ABRAXAS1: variants seen among roughly 807,000 people sequenced by gnomAD.
ABRAXAS1 encodes the protein BRCA1-A complex subunit Abraxas 1.
ABRAXAS1 carries 26 observed loss-of-function variants against 38.4 expected under a neutral mutation model. The ratio of observed to expected loss-of-function variants is 0.68; its 90% CI spans 0.50 to 0.94. The LOEUF (loss-of-function observed/expected upper bound fraction) is 0.94. Ranked by LOEUF, ABRAXAS1 falls within the 40% of genes least tolerant of loss-of-function variation. The pLI is 0.00. For missense variants in ABRAXAS1, 438 were observed against 481.9 expected (o/e 0.91, Z 0.85); for synonymous variants, 144 against 165.5 (o/e 0.87, Z 1.00).
chr4:83,462,401 A>T lies in ABRAXAS1; in HGVS notation c.*68T>A. ...TTACTGCAAGTAGCTCAACATAGTA[A>T]AAACAATAGAAATGTTTGGCTTTAC... On this transcript the variant is annotated 3_prime_UTR_variant, in exon 9 of 9. Coordinates refer to ENST00000321945, the MANE Select transcript of ABRAXAS1 (RefSeq NM_139076.3). 5.7e-6 allele frequency: 8 copies of T among 1,395,316 alleles called. No individual in the cohort carries two copies. Among genetic ancestry groups the T allele is most frequent in the Non-Finnish European group, 7.8e-6 (8 of 1,021,622 alleles). 86.4% of individuals were successfully genotyped at this position (1,395,316 alleles called of 1,614,324 possible).
chr4:83,480,231 G>A (rs1722942080), intron 2 of ABRAXAS1: 3 of 246,138 alleles, frequency 1.2e-5, no homozygotes, highest in Admixed American at 5.6e-5. Flanking sequence ...AATTAGCCGG[G>A]CATGGTTGCG....
chr4:83,463,106 A>G (rs557596630), intron 8 of ABRAXAS1, among the ~76,000 whole-genome samples: 76 of 152,316 alleles, frequency 5.0e-4, no homozygotes, highest in African/African-American at 1.5e-3. Flanking sequence ...CATGTCAGCA[A>G]TATAGCTACC....
chr4:83,473,250 AGG>A (rs1722646504), intron 3 of ABRAXAS1, among the ~76,000 whole-genome samples: 2 of 152,186 alleles, frequency 1.3e-5, no homozygotes, highest in African/African-American at 2.4e-5. Context: ...ACTGCACTCC[AGG>A]CTGGGCAACA....
chr4:83,469,260 C>G, intron 5 of ABRAXAS1, 109 bp from the exon 6 acceptor site: 1 of 920,290 alleles, frequency 1.1e-6, no homozygotes, highest in South Asian at 1.6e-5. Flanking sequence ...AATACACCCC[C>G]CAAAACCCAT....
intron 1 of ABRAXAS1, chr4:83,484,680 A>G: frequency 3.5e-6 from 1 of 284,518 alleles, no homozygotes; most frequent in Non-Finnish European, 6.6e-6. Flanking sequence ...TGAACTTTCC[A>G]TCTTTTCACG....
At chr4:83,476,619 T>A (rs1465533917) in intron 3 of ABRAXAS1, 24 bp downstream of exon 3, 1 of 1,491,586 alleles carries the variant, frequency 6.7e-7, no homozygotes, top group African/African-American at 1.4e-5. Flanking sequence ...AATGGATCAT[T>A]TACTTACTAG....
At position 83,462,645 on chromosome 4, in the gene ABRAXAS1, C is replaced by T. The variant is rs1722170157; in HGVS notation, c.1054G>A (p.Asp352Asn). The T allele has an allele frequency of 1.2e-6, 2 of 1,613,948 alleles. No individual in the cohort carries two copies. Among genetic ancestry groups the T allele is most frequent in the Non-Finnish European group, 1.7e-6 (2 of 1,180,006 alleles). The change falls in exon 9 of 9, where the codon GAT becomes AAT. Residue 352 changes from aspartate to asparagine, a missense_variant. Transcript: ENST00000321945. Reference sequence around the variant, plus strand: ...GATCTCTTGAATTGCCATCTGTCATCTAAGTCTAAGGCTTTATGCTTAATG... The same window carrying T: ...GATCTCTTGAATTGCCATCTGTCATTTAAGTCTAAGGCTTTATGCTTAATG... ...QIIKHKALDLDDRWQFKRSRL... is the reference protein window; with the variant it reads ...QIIKHKALDLNDRWQFKRSRL...
chr4:83,476,609 A>AATGG, intron 3 of ABRAXAS1, 34 bp downstream of exon 3: 1 of 1,425,920 alleles, frequency 7.0e-7, no homozygotes, highest in Non-Finnish European at 9.9e-7. Context: ...TAATTTTCAC[A>AATGG]ATGGATCATT....
Position 83,476,668 on chromosome 4 carries a change from A to G in ABRAXAS1, c.190T>C (p.Tyr64His), listed in dbSNP as rs768638289. ...EVVYTIDIQK[Y>H]IPCYQLFSFY... ...CTAAAAAGCTGATAGCATGGAATAT[A>G]TTTCTGAATGTCTGGAAGAAAAGGA... Residue 64 changes from tyrosine to histidine, a missense_variant, in exon 3 of 9, where the codon TAT (tyrosine) becomes CAT (histidine). By Grantham distance (83) the Tyr-to-His change is moderately conservative. Transcript: ENST00000321945. 1 of 1,565,468 alleles carries G rather than the reference A, an allele frequency of 6.4e-7. No homozygotes were observed. Among genetic ancestry groups the G allele is most frequent in the Admixed American group, 1.7e-5 (1 of 59,798 alleles).
chr4:83,462,594 GTTT>G lies in ABRAXAS1; in HGVS notation c.1102_1104del (p.Lys368del), dbSNP rs878855206. On this transcript the variant is annotated inframe_deletion, in exon 9 of 9. Transcript: ENST00000321945. ...CTACTACCAGTATCTGCTTTAGATC[GTTT>G]GTCTTGTGTATCTAACAACCGAGAT... 25 of 1,613,860 alleles carry G rather than the reference GTTT, an allele frequency of 1.5e-5. No individual in the cohort carries two copies. In the Middle Eastern group the frequency reaches 4.9e-4, roughly 32 times the overall value.
At chr4:83,477,377 G>A (rs1337503809) in intron 2 of ABRAXAS1, 2 of 181,774 alleles carry the variant, frequency 1.1e-5, no homozygotes, top group Non-Finnish European at 2.3e-5. Flanking sequence ...TAAAGGGCTT[G>A]CTTTTAAAAC....
At chr4:83,480,383 A>C in intron 2 of ABRAXAS1, 1 of 429,742 alleles carries the variant, frequency 2.3e-6, no homozygotes, top group Non-Finnish European at 4.6e-6. Flanking sequence ...AAACAAAAAC[A>C]AAATGTATAT....
At chr4:83,478,234 C>T (rs1057477517) in intron 2 of ABRAXAS1, 18 of 682,536 alleles carry the variant, frequency 2.6e-5, no homozygotes, top group East Asian at 1.0e-4. Flanking sequence ...CAGGCACTCA[C>T]GTGATGAACC....
intron 3 of ABRAXAS1, among the ~76,000 whole-genome samples, chr4:83,475,302 T>C (rs77181833): frequency 2.0e-5 from 3 of 152,182 alleles, no homozygotes; most frequent in Non-Finnish European, 4.4e-5. Flanking sequence ...TTTCTTGGTA[T>C]AGCAGTTTAA....
Position 83,459,875 on chromosome 4 carries a change from A to G in ABRAXAS1, c.*2594T>C. ...CTATTTCTATCATTTAAGAAAACTC[A>G]AATTTTCAAATTGTGCTATAAATTA... On this transcript the variant is annotated 3_prime_UTR_variant, in exon 9 of 9. Transcript: ENST00000321945. 7.9e-7 allele frequency: 1 copy of G among 1,258,580 alleles called. No individual in the cohort carries two copies. Among genetic ancestry groups the G allele is most frequent in the Admixed American group, 2.3e-5 (1 of 43,086 alleles). The allele number at this position is 1,258,580 out of a possible 1,614,324, so 78.0% of individuals were successfully genotyped here.
At chr4:83,482,049 T>C in intron 2 of ABRAXAS1, 105 bp downstream of exon 2, 1 of 723,754 alleles carries the variant, frequency 1.4e-6, no homozygotes, top group South Asian at 2.0e-5. Context: ...CCAGCCTCTG[T>C]ATTTCCTAAT....
At chr4:83,467,963 G>A (rs1005329267) in intron 6 of ABRAXAS1, among the ~76,000 whole-genome samples, 3 of 152,208 alleles carry the variant, frequency 2.0e-5, no homozygotes, top group East Asian at 1.9e-4. Flanking sequence ...GTAATTCTAA[G>A]AAGGCATGAC....
chr4:83,459,650 T>C lies in ABRAXAS1; in HGVS notation c.*2819A>G. The stretch of plus-strand genomic sequence containing the variant: ...GTGTCTGAAATTTAGTAAAGCTTTA[T>C]ATAACCTGAAGGTTGTTTTTTGAAA... On this transcript the variant is annotated 3_prime_UTR_variant, in exon 9 of 9. Transcript: ENST00000321945. 1 of 1,132,774 alleles carries C rather than the reference T, an allele frequency of 8.8e-7. No homozygotes were observed. The highest frequency in any genetic ancestry group is 1.3e-6 in the Non-Finnish European group (1 of 769,074). 70.2% of individuals were successfully genotyped at this position (1,132,774 alleles called of 1,614,324 possible).
intron 1 of ABRAXAS1, among the ~76,000 whole-genome samples, chr4:83,483,757 C>G (rs1052907960): frequency 2.0e-5 from 3 of 152,008 alleles, no homozygotes; most frequent in Non-Finnish European, 4.4e-5. Context: ...CCAGAAAAAC[C>G]ACCCTTTAAA....
Sources: allele counts gnomAD v4.1 joint callset (sites outside exome capture counted in the v4.1 genomes callset), GRCh38; gene constraint gnomAD v4.1.1; transcripts MANE v1.5; gene names NCBI Gene and HGNC (gene_info 2026-07-23, HGNC 2026-07-21).